Variants in KCNH7 observed in about 807,000 individuals in gnomAD.
KCNH7 encodes the protein voltage-gated inwardly rectifying potassium channel KCNH7.
A neutral mutation model predicts 120.8 loss-of-function variants in KCNH7; 49 were observed. The observed-to-expected ratio is 0.41, with a 90% CI of 0.32 to 0.51. The LOEUF (loss-of-function observed/expected upper bound fraction) is 0.51. KCNH7 is among the 20% of genes least tolerant of loss of function. KCNH7 has a pLI of 0.38. For missense variants in KCNH7, 1,097 were observed against 1,446.6 expected, an observed-to-expected ratio of 0.76 and a Z score of 3.92; for synonymous variants, 547 against 516.1, an observed-to-expected ratio of 1.06 and a Z score of -0.81.
intron 6 of KCNH7, among the ~76,000 whole-genome samples, chr2:162,460,018 C>T (rs549331004): frequency 1.8e-3 from 262 of 145,894 alleles, no homozygotes; most frequent in African/African-American, 5.6e-3. Flanking sequence ...TGCTTGAACC[C>T]GGGAGGTGGA....
chr2:162,467,196 C>G (rs1689338040), intron 6 of KCNH7, among the ~76,000 whole-genome samples: 1 of 152,168 alleles, frequency 6.6e-6, no homozygotes, highest in Non-Finnish European at 1.5e-5. Flanking sequence ...GTTATCTTGT[C>G]ACTGAGAAGG....
In KCNH7 at chr2:162,620,171, GAT is replaced by G. The variant is rs143978779; in HGVS notation, c.308-83093_308-83092del. Among the ~76,000 whole-genome samples the G allele has an allele frequency of 5.0e-3, 585 of 116,184 alleles. 5 individuals carry two copies. The highest frequency in any genetic ancestry group is 0.015 in the African/African-American group (474 of 30,768). 76.2% of individuals were successfully genotyped at this position (116,184 alleles called of 152,430 possible). ...ATATAGATATATATATAGAGAGAGA[GAT>G]AGATATTTTTGTTATGTATCCTTTT... is the stretch of plus-strand genomic sequence containing the variant. On this transcript the variant is annotated intron_variant, in intron 2 of 15. Coordinates refer to ENST00000332142, the MANE Select transcript of KCNH7 (RefSeq NM_033272.4).
At chr2:162,386,809 T>C (rs1686586899) in intron 12 of KCNH7, among the ~76,000 whole-genome samples, 1 of 151,794 alleles carries the variant, frequency 6.6e-6, no homozygotes, top group Non-Finnish European at 1.5e-5. Context: ...TAGAATGTTC[T>C]GTTTTACCTA....
chr2:162,509,189 G>T (rs1195501370), intron 5 of KCNH7, among the ~76,000 whole-genome samples: 1 of 151,546 alleles, frequency 6.6e-6, no homozygotes, highest in East Asian at 2.0e-4. Context: ...GAATTTTAAA[G>T]ATATTTAAAA....
intron 2 of KCNH7, among the ~76,000 whole-genome samples, chr2:162,657,482 T>C (rs1469937220): frequency 6.6e-6 from 1 of 152,256 alleles, no homozygotes; most frequent in Admixed American, 6.5e-5. Flanking sequence ...CCATGTCTTT[T>C]CATGGCTGAA....
chr2:162,645,924 C>G (rs911391067), intron 2 of KCNH7, among the ~76,000 whole-genome samples: 2 of 152,122 alleles, frequency 1.3e-5, no homozygotes, highest in Non-Finnish European at 2.9e-5. Context: ...CACAAATCAC[C>G]CTTTTCCCTG....
intron 2 of KCNH7, among the ~76,000 whole-genome samples, chr2:162,756,769 T>C (rs1419104387): frequency 6.6e-6 from 1 of 152,158 alleles, no homozygotes; most frequent in Non-Finnish European, 1.5e-5. Flanking sequence ...GGCCCTGAAA[T>C]TGCTAATTAA....
At chr2:162,578,896 A>T (rs886375454) in intron 2 of KCNH7, among the ~76,000 whole-genome samples, 2 of 151,912 alleles carry the variant, frequency 1.3e-5, no homozygotes, top group African/African-American at 4.8e-5. Flanking sequence ...GTTCTACTAA[A>T]ATCAAAAATT....
chr2:162,533,441 A>G (rs1016153647), intron 3 of KCNH7, among the ~76,000 whole-genome samples: 1 of 151,786 alleles, frequency 6.6e-6, no homozygotes, highest in Non-Finnish European at 1.5e-5. Context: ...TAAAAAAGAC[A>G]CAACCAAAAC....
At chr2:162,614,834 C>T (rs942021710) in intron 2 of KCNH7, among the ~76,000 whole-genome samples, 2 of 151,132 alleles carry the variant, frequency 1.3e-5, no homozygotes, top group Non-Finnish European at 3.0e-5. Context: ...GATAGGGCTA[C>T]TGAACTATAT....
At chr2:162,516,952 C>T (rs1691317668) in intron 4 of KCNH7, among the ~76,000 whole-genome samples, 1 of 151,668 alleles carries the variant, frequency 6.6e-6, no homozygotes, top group Non-Finnish European at 1.5e-5. Flanking sequence ...GAAATGATTC[C>T]TAATTTGGGT....
intron 9 of KCNH7, among the ~76,000 whole-genome samples, chr2:162,421,092 A>G (rs1345865583): frequency 6.6e-6 from 1 of 152,154 alleles, no homozygotes; most frequent in East Asian, 1.9e-4. Context: ...TTGCAGTCAC[A>G]AAATGAGAAA....
At chr2:162,583,933 T>C (rs113857719) in intron 2 of KCNH7, among the ~76,000 whole-genome samples, 49 of 152,236 alleles carry the variant, frequency 3.2e-4, no homozygotes, top group African/African-American at 1.1e-3. Flanking sequence ...ATTTCAGATT[T>C]GAAAGGCTTT....
intron 2 of KCNH7, among the ~76,000 whole-genome samples, chr2:162,567,249 A>G (rs748199446): frequency 1.3e-5 from 2 of 152,072 alleles, no homozygotes; most frequent in African/African-American, 4.8e-5. Flanking sequence ...ATAAAAAATC[A>G]AAATTTACAA....
chr2:162,560,958 T>C (rs1288223213), intron 2 of KCNH7, among the ~76,000 whole-genome samples: 1 of 152,162 alleles, frequency 6.6e-6, no homozygotes, highest in Non-Finnish European at 1.5e-5. Context: ...TATGTTAGTG[T>C]CCACAAGGGT....
At chr2:162,403,301 T>G (rs1363718351) in intron 9 of KCNH7, among the ~76,000 whole-genome samples, 2 of 151,954 alleles carry the variant, frequency 1.3e-5, no homozygotes, top group Non-Finnish European at 2.9e-5. Context: ...TTTAAATGTT[T>G]TGTGCATCAT....
At chr2:162,746,132 A>G (rs1286933741) in intron 2 of KCNH7, among the ~76,000 whole-genome samples, 1 of 152,018 alleles carries the variant, frequency 6.6e-6, no homozygotes, top group Non-Finnish European at 1.5e-5. Flanking sequence ...TTTTCCTTTA[A>G]CCTCCCTTTC....
At chr2:162,560,405 ATTTCAG>A (rs1693019892) in intron 2 of KCNH7, among the ~76,000 whole-genome samples, 1 of 152,190 alleles carries the variant, frequency 6.6e-6, no homozygotes, top group Non-Finnish European at 1.5e-5. Flanking sequence ...ACTCAAGGAC[ATTTCAG>A]AGGAGAGGAA....
At chr2:162,530,213 T>C (rs903826570) in intron 3 of KCNH7, among the ~76,000 whole-genome samples, 1 of 152,022 alleles carries the variant, frequency 6.6e-6, no homozygotes, top group Non-Finnish European at 1.5e-5. Flanking sequence ...TCATAATGCC[T>C]TTTTATAATC....
Sources: gnomAD v4.1 joint callset for allele counts (sites outside exome capture counted in the v4.1 genomes callset) on GRCh38, gnomAD v4.1.1 for gene constraint, MANE v1.5 for transcripts, NCBI Gene and HGNC (gene_info 2026-07-23, HGNC 2026-07-21) for gene names.